PLXNA4: variants seen among roughly 807,000 people sequenced by gnomAD.
The protein encoded by PLXNA4 is plexin-A4.
PLXNA4 carries 44 observed loss-of-function variants against 191.8 expected under a neutral mutation model. The observed-to-expected ratio is 0.23, with a 90% CI of 0.18 to 0.29. The LOEUF (loss-of-function observed/expected upper bound fraction) is 0.29. PLXNA4 is among the 10% of genes least tolerant of loss of function. The pLI is 1.00. For missense variants in PLXNA4, 1,800 were observed against 2,488.8 expected (o/e 0.72, Z 5.89); for synonymous variants, 1,082 against 1,009.5 (o/e 1.07, Z -1.36).
At chr7:132,564,842 A>T (rs1801643676) in intron 1 of PLXNA4, among the ~76,000 whole-genome samples, 1 of 151,984 alleles carries the variant, frequency 6.6e-6, no homozygotes, top group Non-Finnish European at 1.5e-5. Context: ...CAGGATGGAG[A>T]TCCCCCCGGG....
chr7:132,212,616 C>T (rs2116908644), intron 9 of PLXNA4, among the ~76,000 whole-genome samples: 1 of 152,284 alleles, frequency 6.6e-6, no homozygotes, highest in Non-Finnish European at 1.5e-5. Context: ...AGTGGTTGTT[C>T]TCTCCATCCT....
chr7:132,447,777 C>G (rs1229773594), intron 3 of PLXNA4, among the ~76,000 whole-genome samples: 3 of 151,080 alleles, frequency 2.0e-5, no homozygotes, highest in Admixed American at 6.6e-5. Context: ...CACTTGAGTA[C>G]AGAAGTTTAA....
intron 4 of PLXNA4, among the ~76,000 whole-genome samples, chr7:132,288,763 C>G (rs1800775937): frequency 6.6e-6 from 1 of 152,306 alleles, no homozygotes; most frequent in Non-Finnish European, 1.5e-5. Context: ...CCCACAGACA[C>G]AGTGCTGAGG....
upstream of PLXNA4, among the ~76,000 whole-genome samples, chr7:132,578,782 T>C (rs183727545): frequency 1.3e-5 from 2 of 152,360 alleles, no homozygotes; most frequent in East Asian, 3.9e-4. Flanking sequence ...TCTGGTTCTC[T>C]GCTGAGTCTT....
At chr7:132,325,878 C>T (rs1446916214) in intron 3 of PLXNA4, among the ~76,000 whole-genome samples, 2 of 152,204 alleles carry the variant, frequency 1.3e-5, no homozygotes, top group Non-Finnish European at 2.9e-5. Context: ...ATGGATCTTA[C>T]AGCAGGCAGC....
rs1798577924 is a variant in PLXNA4, at chr7:132,508,523, A to G, written c.171T>C (p.Asp57=). Residue 57 remains aspartate, a synonymous_variant, in exon 2 of 32, where the codon GAT becomes GAC. Coordinates refer to ENST00000321063, the MANE Select transcript of PLXNA4 (RefSeq NM_020911.2). This position sits in a 1 kb window ranked among gnomAD's most constrained non-coding sequence, Gnocchi z 4.4. ...CCAAGTAAATGTGTCCTGTCCTCTCATCCACCACCAGGTGATTGAAACCCT... is the reference window on the plus strand; with the variant it reads ...CCAAGTAAATGTGTCCTGTCCTCTCGTCCACCACCAGGTGATTGAAACCCT... ...PAEGFNHLVV[D]ERTGHIYLGA... 1 of 1,614,046 alleles carries G rather than the reference A, an allele frequency of 6.2e-7. No individual in the cohort carries two copies. The highest frequency in any genetic ancestry group is 1.1e-5 in the South Asian group (1 of 91,082).
At chr7:132,352,398 G>A (rs551407870) in intron 3 of PLXNA4, 21 of 152,382 alleles carry the variant, frequency 1.4e-4, no homozygotes, top group African/African-American at 5.1e-4. Flanking sequence ...AGAGCCCCAG[G>A]GAGGGAGGCC....
chr7:132,202,987 A>G lies in PLXNA4; in HGVS notation c.2396-151T>C, dbSNP rs943267229. 12 of 839,916 alleles carry G rather than the reference A, an allele frequency of 1.4e-5. No homozygotes were observed. The African/African-American group carries it at 1.5e-4, about 11-fold the overall frequency. 52.0% of individuals were successfully genotyped at this position (839,916 alleles called of 1,614,324 possible). On this transcript the variant is annotated intron_variant, in intron 11 of 31. Coordinates refer to ENST00000321063, the MANE Select transcript of PLXNA4 (RefSeq NM_020911.2). The stretch of plus-strand genomic sequence containing the variant: ...CTTAGCCATTCTGATGCAAAAAAGA[A>G]CCTGAAAGAAAGTCCAGGCCTGAGC...
intron 3 of PLXNA4, among the ~76,000 whole-genome samples, chr7:132,479,000 G>A (rs560182654): frequency 9.2e-5 from 14 of 152,274 alleles, no homozygotes; most frequent in Non-Finnish European, 1.8e-4. Context: ...AGACATGGTA[G>A]CTCATACCTG....
chr7:132,203,244 C>G (rs189185841), intron 11 of PLXNA4, 79 bp downstream of exon 11: 28 of 1,352,618 alleles, frequency 2.1e-5, no homozygotes, highest in African/African-American at 2.9e-5. Context: ...ATGACTCCCG[C>G]GAGAATGCAG....
In PLXNA4 at chr7:132,178,273, A is replaced by G. The variant is rs554169368; in HGVS notation, c.3874+1414T>C. Among the ~76,000 whole-genome samples the G allele has an allele frequency of 5.3e-5, 8 of 152,148 alleles. No individual in the cohort carries two copies. In the East Asian group the frequency reaches 1.4e-3, roughly 26 times the overall value. On this transcript the variant is annotated intron_variant, in intron 20 of 31. Transcript: ENST00000321063. Reference sequence around the variant, plus strand: ...AGAGTGCAAAACCCACTCAACCAGGATTCCAGGTATGGAGGCTGCTCTAGT... The same window carrying G: ...AGAGTGCAAAACCCACTCAACCAGGGTTCCAGGTATGGAGGCTGCTCTAGT...
intron 1 of PLXNA4, among the ~76,000 whole-genome samples, chr7:132,546,772 T>G (rs933717788): frequency 2.0e-5 from 3 of 152,216 alleles, no homozygotes; most frequent in Non-Finnish European, 4.4e-5. Flanking sequence ...TCCCCACCCT[T>G]GCTCCTAACA....
intron 1 of PLXNA4, among the ~76,000 whole-genome samples, chr7:132,538,911 G>C (rs1294629279): frequency 2.0e-5 from 3 of 152,218 alleles, no homozygotes; most frequent in African/African-American, 7.2e-5. Context: ...GTGAAAAGCA[G>C]AGAATGAAAA....
intron 2 of PLXNA4, among the ~76,000 whole-genome samples, chr7:132,588,084 C>T (rs1197797544): frequency 6.6e-6 from 1 of 151,884 alleles, no homozygotes; most frequent in African/African-American, 2.4e-5. Flanking sequence ...AAGGCTTCAA[C>T]AGTTAATAAG....
chr7:132,570,319 A>T (rs746108396), intron 1 of PLXNA4, among the ~76,000 whole-genome samples: 1 of 152,196 alleles, frequency 6.6e-6, no homozygotes, highest in Non-Finnish European at 1.5e-5. Context: ...CATTCCAGGC[A>T]GGCTGCTTCA....
At chr7:132,323,011 G>C (rs965801) in intron 3 of PLXNA4, among the ~76,000 whole-genome samples, 76,643 of 152,040 alleles carry the variant, frequency 0.5, 21,577 homozygotes, top group East Asian at 0.81. Flanking sequence ...GTGCACATTT[G>C]TATCAGTGTA....
At chr7:132,287,833 C>T (rs1800740802) in intron 4 of PLXNA4, among the ~76,000 whole-genome samples, 2 of 152,240 alleles carry the variant, frequency 1.3e-5, no homozygotes, top group South Asian at 4.1e-4. Context: ...GGGCACTTGT[C>T]CCACCTTGTG....
chr7:132,221,033 T>C (rs759854699), intron 9 of PLXNA4, among the ~76,000 whole-genome samples: 16 of 151,934 alleles, frequency 1.1e-4, no homozygotes, highest in Admixed American at 3.3e-4. Context: ...TATTTTTCTA[T>C]TGGGGAGAGT....
intron 29 of PLXNA4, among the ~76,000 whole-genome samples, chr7:132,141,689 T>C (rs1795273685): frequency 6.6e-6 from 1 of 152,146 alleles, no homozygotes; most frequent in Non-Finnish European, 1.5e-5. Flanking sequence ...GGGCACTTGA[T>C]GGTGGGAGTT....
Sources: gnomAD v4.1 joint callset for allele counts (sites outside exome capture counted in the v4.1 genomes callset) on GRCh38, gnomAD v4.1.1 for gene constraint, Gnocchi (gnomAD v3.1) non-coding constraint, MANE v1.5 for transcripts, NCBI Gene and HGNC (gene_info 2026-07-23, HGNC 2026-07-21) for gene names.